The following UCHL3 variants were observed in gnomAD, a reference collection of about 807,000 sequenced individuals.
UCHL3 encodes ubiquitin C-terminal hydrolase L3.
In UCHL3, 22 loss-of-function variants were observed where a neutral mutation model predicts 35.8. The observed-to-expected ratio is 0.61, with a 90% CI of 0.44 to 0.88. The LOEUF is 0.88. UCHL3 is among the 40% of genes least tolerant of loss of function. The pLI is 0.00. For missense variants in UCHL3, 229 were observed against 276.9 expected, an observed-to-expected ratio of 0.83 and a Z score of 1.23; for synonymous variants, 90 against 92.8, an observed-to-expected ratio of 0.97 and a Z score of 0.17.
At chr13:75,552,233 T>A (rs987980339) in intron 2 of UCHL3, among the ~76,000 whole-genome samples, 3 of 152,226 alleles carry the variant, frequency 2.0e-5, no homozygotes, top group African/African-American at 7.2e-5. Flanking sequence ...GTTGTTTCTT[T>A]ATTCTCTATG....
intron 7 of UCHL3, among the ~76,000 whole-genome samples, chr13:75,602,910 A>C (rs1410468354): frequency 2.0e-5 from 3 of 152,326 alleles, no homozygotes; most frequent in Middle Eastern, 3.4e-3. Context: ...TAATAATTGA[A>C]ATTAATTATA....
chr13:75,584,038 G>A (rs1441540659), intron 6 of UCHL3, among the ~76,000 whole-genome samples: 1 of 152,132 alleles, frequency 6.6e-6, no homozygotes, highest in African/African-American at 2.4e-5. Flanking sequence ...CGTGAAGCCT[G>A]GATTCTTCTC....
rs1227870323 is a variant in UCHL3 at position 75,580,032 on chromosome 13, A to G, written c.474+10525A>G. On this transcript the variant is annotated intron_variant, in intron 6 of 8. Coordinates refer to ENST00000377595, the MANE Select transcript of UCHL3 (RefSeq NM_006002.5). ...ATAAACTGAAGGGAGAGAAAACATA[A>G]TTGTTAAACCAGTCAGGGAAAAAAG... Among the ~76,000 whole-genome samples, 6 of 152,332 alleles carry G rather than the reference A, an allele frequency of 3.9e-5. No individual in the cohort carries two copies. In the East Asian group the frequency reaches 9.6e-4, roughly 24 times the overall value.
At chr13:75,569,564 T>A in intron 6 of UCHL3, 57 bp downstream of exon 6, 1 of 1,473,538 alleles carries the variant, frequency 6.8e-7, no homozygotes, top group Non-Finnish European at 9.3e-7. Context: ...ATAAATTTCT[T>A]GCTGTAAATT....
At position 75,552,147 on chromosome 13, in the gene UCHL3, T is replaced by A. The variant is rs973425319; in HGVS notation, c.54+2160T>A. Among the ~76,000 whole-genome samples, 14 of 152,212 alleles carry A rather than the reference T, an allele frequency of 9.2e-5. 2 individuals carry two copies. The highest frequency in any genetic ancestry group is 7.9e-4 in the Admixed American group (12 of 15,286). ...ATGATTTAGTTTGTTTTAAATTGAT[T>A]TTTTAAAGAAATAATGTGCTTTTAG... On this transcript the variant is annotated intron_variant, in intron 2 of 8. Transcript: ENST00000377595.
intron 3 of UCHL3, among the ~76,000 whole-genome samples, chr13:75,565,353 G>A (rs2031650160): frequency 6.6e-6 from 1 of 152,136 alleles, no homozygotes; most frequent in Non-Finnish European, 1.5e-5. Context: ...TATTCTGATA[G>A]TGTTACTTAA....
At chr13:75,601,335 A>G (rs1374660951) in intron 7 of UCHL3, among the ~76,000 whole-genome samples, 4 of 152,278 alleles carry the variant, frequency 2.6e-5, no homozygotes, top group Admixed American at 6.5e-5. Flanking sequence ...GCTGTCAAAC[A>G]GCATCACATG....
At chr13:75,592,423 T>TATATATGTATATACGTATATAC (rs1310296676) in intron 6 of UCHL3, among the ~76,000 whole-genome samples, 2 of 19,680 alleles carry the variant, frequency 1.0e-4, no homozygotes, top group Non-Finnish European at 2.6e-4. Flanking sequence ...TTCATATATA[T>TATATATGTATATACGTATATAC]ATATATATAT....
intron 3 of UCHL3, among the ~76,000 whole-genome samples, chr13:75,565,922 G>C (rs1306441552): frequency 2.0e-5 from 3 of 152,164 alleles, no homozygotes; most frequent in Admixed American, 1.3e-4. Flanking sequence ...CAGGCAGTCA[G>C]CTATAGAGCC....
At chr13:75,593,436 T>G (rs2032564583) in intron 6 of UCHL3, among the ~76,000 whole-genome samples, 1 of 152,168 alleles carries the variant, frequency 6.6e-6, no homozygotes. Flanking sequence ...GGGATTAGAC[T>G]TTTTTCTAAG....
At chr13:75,562,780 A>T (rs2031558291) in intron 3 of UCHL3, among the ~76,000 whole-genome samples, 1 of 152,204 alleles carries the variant, frequency 6.6e-6, no homozygotes, top group African/African-American at 2.4e-5. Flanking sequence ...TGAAAGGAAG[A>T]ACACAGTTCT....
At chr13:75,551,580 A>T (rs1434301993) in intron 2 of UCHL3, among the ~76,000 whole-genome samples, 1 of 152,234 alleles carries the variant, frequency 6.6e-6, no homozygotes, top group Non-Finnish European at 1.5e-5. Context: ...AGCAAATAGA[A>T]TGCAGCAATA....
At chr13:75,593,573 A>C (rs2032568043) in intron 6 of UCHL3, among the ~76,000 whole-genome samples, 1 of 152,192 alleles carries the variant, frequency 6.6e-6, no homozygotes, top group Non-Finnish European at 1.5e-5. Flanking sequence ...AGGGGCTACC[A>C]CAGGATGGAG....
intron 3 of UCHL3, among the ~76,000 whole-genome samples, chr13:75,563,588 A>C (rs1217507879): frequency 6.6e-6 from 1 of 152,210 alleles, no homozygotes; most frequent in African/African-American, 2.4e-5. Context: ...AAGCAGATTA[A>C]TATATCTATC....
At chr13:75,584,348 G>T (rs995364891) in intron 6 of UCHL3, among the ~76,000 whole-genome samples, 2 of 152,150 alleles carry the variant, frequency 1.3e-5, no homozygotes, top group Non-Finnish European at 2.9e-5. Flanking sequence ...AAAGCCTAAA[G>T]CTGAGAGTGG....
chr13:75,585,716 A>G (rs376613229), intron 6 of UCHL3, among the ~76,000 whole-genome samples: 4 of 152,248 alleles, frequency 2.6e-5, no homozygotes, highest in East Asian at 1.9e-4. Context: ...ACATATAAAA[A>G]TAAAATAAGA....
intron 2 of UCHL3, among the ~76,000 whole-genome samples, chr13:75,554,328 C>A (rs71433191): frequency 0.028 from 4,278 of 152,268 alleles, 88 homozygotes; most frequent in Non-Finnish European, 0.045. Context: ...TTCTTATAAT[C>A]TCTTCTAATC....
intron 2 of UCHL3, among the ~76,000 whole-genome samples, chr13:75,559,201 A>G (rs1441753241): frequency 6.6e-6 from 1 of 151,852 alleles, no homozygotes; most frequent in Non-Finnish European, 1.5e-5. Context: ...CACCACGCCC[A>G]GCTAATTTTT....
intron 6 of UCHL3, among the ~76,000 whole-genome samples, chr13:75,583,834 T>G (rs1441128944): frequency 1.3e-5 from 2 of 152,128 alleles, no homozygotes; most frequent in Non-Finnish European, 2.9e-5. Context: ...AGCTAAAAAT[T>G]TTAACAAATT....
Sources: gnomAD v4.1 joint callset for allele counts (sites outside exome capture counted in the v4.1 genomes callset) on GRCh38, gnomAD v4.1.1 for gene constraint, MANE v1.5 for transcripts, NCBI Gene and HGNC (gene_info 2026-07-23, HGNC 2026-07-21) for gene names.